PTH2R: variants seen among roughly 807,000 people sequenced by gnomAD.
The protein encoded by PTH2R is PTH2 receptor.
In PTH2R, 59 loss-of-function variants were observed where a neutral mutation model predicts 60.3. That is an observed-to-expected ratio of 0.98 (90% confidence interval 0.79 to 1.22). The LOEUF (loss-of-function observed/expected upper bound fraction) is 1.22. Among genes scored for constraint, PTH2R ranks in the 50% most tolerant of loss-of-function variants. The probability of loss-of-function intolerance (pLI) is 0.00; values close to 1 mark genes in which losing one functional copy is unlikely to be tolerated. For missense variants in PTH2R, 749 were observed against 682.6 expected (o/e 1.10, Z -1.08); for synonymous variants, 256 against 243.8 (o/e 1.05, Z -0.47).
chr2:208,459,752 T>C (rs1030789445), intron 8 of PTH2R, 143 bp from the exon 9 acceptor site: 48 of 676,662 alleles, frequency 7.1e-5, no homozygotes, highest in Non-Finnish European at 1.8e-5. Context: ...CTGGCTTGGG[T>C]GTTTTAAGAT....
chr2:208,434,095 C>T (rs1702025959), intron 2 of PTH2R, among the ~76,000 whole-genome samples: 2 of 152,176 alleles, frequency 1.3e-5, no homozygotes, highest in African/African-American at 4.8e-5. Context: ...GGGTGGATCA[C>T]CTGAGGTCAG....
chr2:208,446,994 C>T (rs1702299674), intron 7 of PTH2R, among the ~76,000 whole-genome samples: 1 of 152,162 alleles, frequency 6.6e-6, no homozygotes, highest in South Asian at 2.1e-4. Flanking sequence ...CTTTGTTACT[C>T]ATTTGGACCC....
At chr2:208,424,841 T>C (rs1411209199) in intron 1 of PTH2R, among the ~76,000 whole-genome samples, 1 of 152,118 alleles carries the variant, frequency 6.6e-6, no homozygotes, top group African/African-American at 2.4e-5. Flanking sequence ...CTATCAGGAG[T>C]GTTGTTTCTA....
intron 1 of PTH2R, among the ~76,000 whole-genome samples, chr2:208,361,933 T>C (rs1007147254): frequency 6.6e-6 from 1 of 152,204 alleles, no homozygotes; most frequent in Non-Finnish European, 1.5e-5. Flanking sequence ...TTTCTGGGTA[T>C]GTTAGTGAGG....
intron 10 of PTH2R, among the ~76,000 whole-genome samples, chr2:208,482,436 G>A (rs2105906341): frequency 6.6e-6 from 1 of 152,214 alleles, no homozygotes; most frequent in East Asian, 1.9e-4. Context: ...AGAGATTTAG[G>A]GTCGTTTGAT....
rs940387777 is a variant in PTH2R at position 208,386,897 on chromosome 2, T to TG, written c.-259+26664dup. Among the ~76,000 whole-genome samples, 10 of 152,334 alleles carry TG rather than the reference T, an allele frequency of 6.6e-5. No individual in the cohort carries two copies. In the South Asian group the frequency reaches 8.3e-4, roughly 13 times the overall value. On this transcript the variant is annotated intron_variant, in intron 1 of 12. Coordinates refer to the PTH2R transcript ENST00000617735. ...TTAGGTCTTTAACATGTGAATCATT[T>TG]GGGGTGGAGAAGACAAACATTCAGC...
At chr2:208,408,508 T>G (rs1271460059) in intron 1 of PTH2R, among the ~76,000 whole-genome samples, 1 of 151,324 alleles carries the variant, frequency 6.6e-6, no homozygotes, top group East Asian at 1.9e-4. Context: ...TGTAAGGAAA[T>G]GGGGAGGTAT....
At chr2:208,359,917 T>A (rs4675760) in exon 1 of PTH2R, 222,434 of 235,630 alleles carry the variant, frequency 0.94, 105,643 homozygotes, top group Non-Finnish European at 0.98. Context: ...GACCGGGAGG[T>A]GGCAGATCTG....
At chr2:208,420,662 A>G (rs993979736) in intron 1 of PTH2R, among the ~76,000 whole-genome samples, 5 of 152,236 alleles carry the variant, frequency 3.3e-5, no homozygotes, top group African/African-American at 1.2e-4. Flanking sequence ...CATGCAGTGT[A>G]AGAAGTAATA....
rs1036203932 is a variant in PTH2R at position 208,491,245 on chromosome 2, T to A, written c.1257+565T>A. 2.0e-5 allele frequency among the ~76,000 whole-genome samples: 3 copies of A among 152,182 alleles called. No individual in the cohort carries two copies. In the East Asian group the frequency reaches 5.8e-4, roughly 29 times the overall value. On this transcript the variant is annotated intron_variant, in intron 12 of 12. Transcript: ENST00000272847. ...AGGCCCCAGAAGTGCACAGATACTT[T>A]TATTGCGGTACACCAGCTGATGCTT... is the stretch of plus-strand genomic sequence containing the variant.
At chr2:208,425,253 A>G (rs1403584529) in intron 1 of PTH2R, among the ~76,000 whole-genome samples, 1 of 152,098 alleles carries the variant, frequency 6.6e-6, no homozygotes, top group Non-Finnish European at 1.5e-5. Context: ...AAAAAGCTGA[A>G]CCCTTGAGAT....
At chr2:208,482,888 T>A (rs1034200277) in intron 10 of PTH2R, among the ~76,000 whole-genome samples, 5 of 152,166 alleles carry the variant, frequency 3.3e-5, no homozygotes, top group African/African-American at 1.2e-4. Flanking sequence ...GGGATAGGAA[T>A]CTTGGTGATG....
intron 1 of PTH2R, among the ~76,000 whole-genome samples, chr2:208,373,311 T>G (rs915670077): frequency 3.3e-5 from 5 of 152,064 alleles, no homozygotes; most frequent in Admixed American, 3.3e-4. Flanking sequence ...TTGTAAATCT[T>G]TTTTTTGGTT....
At chr2:208,424,182 A>C (rs1574860210) in intron 1 of PTH2R, among the ~76,000 whole-genome samples, 1 of 152,290 alleles carries the variant, frequency 6.6e-6, no homozygotes, top group Admixed American at 6.5e-5. Context: ...TCTTATATGC[A>C]GGTTGTGAAG....
At chr2:208,460,037 T>A in intron 9 of PTH2R, 76 bp downstream of exon 9, 1 of 1,218,974 alleles carries the variant, frequency 8.2e-7, no homozygotes, top group South Asian at 1.2e-5. Context: ...AAAGTGTGTC[T>A]GTCACTGCAT....
At chr2:208,428,425 G>GA in intron 2 of PTH2R, 122 bp downstream of exon 2, 3 of 681,328 alleles carry the variant, frequency 4.4e-6, no homozygotes, top group African/African-American at 1.8e-5. Flanking sequence ...TTTCCATGTG[G>GA]AGGGGTGTGC....
At chr2:208,465,999 T>G (rs1702743505) in intron 9 of PTH2R, among the ~76,000 whole-genome samples, 1 of 152,176 alleles carries the variant, frequency 6.6e-6, no homozygotes, top group African/African-American at 2.4e-5. Context: ...TTGGTGTGCA[T>G]TAATACTTTG....
intron 1 of PTH2R, among the ~76,000 whole-genome samples, chr2:208,371,202 A>C (rs1336964440): frequency 6.6e-6 from 1 of 152,048 alleles, no homozygotes; most frequent in Non-Finnish European, 1.5e-5. Context: ...CCATATCACC[A>C]CCAGAAAGGC....
At chr2:208,461,145 A>G (rs1393555171) in intron 9 of PTH2R, among the ~76,000 whole-genome samples, 1 of 152,124 alleles carries the variant, frequency 6.6e-6, no homozygotes, top group Admixed American at 6.5e-5. Context: ...TCCTTGCTAA[A>G]CCATCCTATT....
Sources: gnomAD v4.1 joint callset for allele counts (sites outside exome capture counted in the v4.1 genomes callset) on GRCh38, gnomAD v4.1.1 for gene constraint, MANE v1.5 for transcripts, NCBI Gene and HGNC (gene_info 2026-07-23, HGNC 2026-07-21) for gene names.